SUPT3H: variants seen among roughly 807,000 people sequenced by gnomAD.
SUPT3H encodes SPT3 homolog, SAGA and STAGA complex component.
Under a neutral mutation model 44.3 loss-of-function variants are expected in SUPT3H, and 44 were observed. That is an observed-to-expected ratio of 0.99 (90% CI 0.78 to 1.28). The LOEUF is 1.28. SUPT3H is among the 50% of genes most tolerant of loss of function. SUPT3H has a pLI of 0.00. For synonymous variants in SUPT3H, 124 were observed against 125.6 expected (o/e 0.99, Z 0.09); for missense variants, 380 against 387.1 (o/e 0.98, Z 0.15).
intron 2 of SUPT3H, among the ~76,000 whole-genome samples, chr6:45,283,077 T>G (rs4441951): frequency 0.13 from 20,148 of 152,070 alleles, 1,548 homozygotes; most frequent in East Asian, 0.26. Context: ...AAAGAGCTCC[T>G]GAAGGAAGCA....
chr6:45,008,550 T>C (rs1480690379), intron 5 of SUPT3H, among the ~76,000 whole-genome samples: 1 of 152,018 alleles, frequency 6.6e-6, no homozygotes, highest in African/African-American at 2.4e-5. Context: ...AGATGGGGTC[T>C]TGCTTTGTTG....
chr6:45,046,168 C>A (rs1789366394), intron 3 of SUPT3H, among the ~76,000 whole-genome samples: 1 of 152,174 alleles, frequency 6.6e-6, no homozygotes, highest in Admixed American at 6.5e-5. Context: ...TGCTTCAGCA[C>A]CATTTGTTAT....
intron 2 of SUPT3H, among the ~76,000 whole-genome samples, chr6:45,131,840 T>C (rs1037897718): frequency 6.6e-6 from 1 of 152,196 alleles, no homozygotes; most frequent in Non-Finnish European, 1.5e-5. Flanking sequence ...TTCAGGCTGG[T>C]TGGAACAATG....
intron 2 of SUPT3H, among the ~76,000 whole-genome samples, chr6:45,112,246 G>A (rs1800174140): frequency 6.6e-6 from 1 of 151,752 alleles, no homozygotes; most frequent in African/African-American, 2.4e-5. Context: ...TAAACTGTGG[G>A]AAAATCATGA....
intron 2 of SUPT3H, among the ~76,000 whole-genome samples, chr6:45,269,049 A>G (rs1307877994): frequency 1.3e-5 from 2 of 152,190 alleles, no homozygotes; most frequent in African/African-American, 2.4e-5. Flanking sequence ...AGAAAGCCAA[A>G]TAAGTAAAGC....
chr6:45,359,160 A>G (rs969282202), intron 2 of SUPT3H, among the ~76,000 whole-genome samples: 3 of 152,168 alleles, frequency 2.0e-5, no homozygotes, highest in African/African-American at 2.4e-5. Flanking sequence ...ATATTTAAAT[A>G]AAAAAATCAA....
chr6:45,354,157 T>C (rs1383438012), intron 2 of SUPT3H, among the ~76,000 whole-genome samples: 1 of 152,164 alleles, frequency 6.6e-6, no homozygotes. Context: ...GACTCAAAAA[T>C]TCCTCTATGA....
At chr6:45,350,925 C>T (rs1387568251) in intron 2 of SUPT3H, among the ~76,000 whole-genome samples, 1 of 152,148 alleles carries the variant, frequency 6.6e-6, no homozygotes, top group Non-Finnish European at 1.5e-5. Context: ...AACACTACCA[C>T]CTCAGCTCTA....
At chr6:44,935,945 G>A (rs769206414) in intron 9 of SUPT3H, among the ~76,000 whole-genome samples, 4 of 152,170 alleles carry the variant, frequency 2.6e-5, no homozygotes, top group Non-Finnish European at 4.4e-5. Flanking sequence ...CCTTACCAGA[G>A]TGAGTGTTTA....
chr6:44,954,120 G>A (rs897972402), intron 8 of SUPT3H, among the ~76,000 whole-genome samples: 1 of 152,112 alleles, frequency 6.6e-6, no homozygotes, highest in Non-Finnish European at 1.5e-5. Context: ...CTTTTAGAGG[G>A]CGAGATTCCA....
At position 45,151,369 on chromosome 6, in the gene SUPT3H, G is replaced by C. The variant is rs1416111032; in HGVS notation, c.102-45363C>G. 2.6e-5 allele frequency among the ~76,000 whole-genome samples: 4 copies of C among 151,982 alleles called. No individual in the cohort carries two copies. The South Asian group carries it at 6.2e-4, about 24-fold the overall frequency. ...TTTTCAAATATCCTCTGTTAAGCAA[G>C]TTTCAAAAAGATTGAAAGCCCATAT... is the stretch of plus-strand genomic sequence containing the variant. On this transcript the variant is annotated intron_variant, in intron 2 of 10. Transcript: ENST00000371459.
chr6:45,272,262 G>C (rs1024047341), intron 2 of SUPT3H, among the ~76,000 whole-genome samples: 2 of 152,224 alleles, frequency 1.3e-5, no homozygotes, highest in East Asian at 1.9e-4. Flanking sequence ...GATATGGTTT[G>C]GCTGTGTCCC....
At chr6:44,833,764 A>G (rs961240851) in intron 10 of SUPT3H, among the ~76,000 whole-genome samples, 7 of 152,182 alleles carry the variant, frequency 4.6e-5, no homozygotes, top group African/African-American at 1.4e-4. Flanking sequence ...TACAATAAAC[A>G]AAACAAACCA....
intron 2 of SUPT3H, among the ~76,000 whole-genome samples, chr6:45,272,159 T>C (rs1776296266): frequency 6.6e-6 from 1 of 152,180 alleles, no homozygotes; most frequent in Non-Finnish European, 1.5e-5. Flanking sequence ...GAGTTAATGC[T>C]GAAATGAGTT....
intron 2 of SUPT3H, among the ~76,000 whole-genome samples, chr6:45,280,315 A>G (rs1304830299): frequency 6.6e-6 from 1 of 152,120 alleles, no homozygotes; most frequent in East Asian, 1.9e-4. Context: ...CAGCCTGGCC[A>G]ACATGGTGAA....
chr6:45,083,478 C>T (rs950012824), intron 3 of SUPT3H, among the ~76,000 whole-genome samples: 14 of 152,094 alleles, frequency 9.2e-5, no homozygotes, highest in African/African-American at 3.4e-4. Context: ...GCATGAGCCA[C>T]TGTGCCCGGC....
intron 2 of SUPT3H, among the ~76,000 whole-genome samples, chr6:45,182,221 A>G (rs917972499): frequency 2.0e-5 from 3 of 152,192 alleles, no homozygotes; most frequent in African/African-American, 4.8e-5. Flanking sequence ...TAGAGCTTAT[A>G]GAGAAATAGC....
intron 10 of SUPT3H, among the ~76,000 whole-genome samples, chr6:44,846,229 T>G (rs2153418552): frequency 6.6e-6 from 1 of 152,304 alleles, no homozygotes; most frequent in East Asian, 1.9e-4. Context: ...CCTTCCAACT[T>G]TGCACTCACT....
chr6:44,941,821 T>C (rs933788921), intron 9 of SUPT3H, among the ~76,000 whole-genome samples: 2 of 152,090 alleles, frequency 1.3e-5, no homozygotes, highest in African/African-American at 2.4e-5. Context: ...GCAGGATTAC[T>C]TGAACCATTA....
Sources: gnomAD v4.1 joint callset for allele counts (sites outside exome capture counted in the v4.1 genomes callset) on GRCh38, gnomAD v4.1.1 for gene constraint, MANE v1.5 for transcripts, NCBI Gene and HGNC (gene_info 2026-07-23, HGNC 2026-07-21) for gene names.